Variants in SHISA9 observed in about 807,000 individuals in gnomAD.
SHISA9 encodes shisa family member 9.
SHISA9 carries 13 observed loss-of-function variants against 38.0 expected under a neutral mutation model. That is an observed-to-expected ratio of 0.34 (90% confidence interval 0.22 to 0.54). SHISA9 has a LOEUF of 0.54. Ranked by LOEUF, SHISA9 falls within the 20% of genes least tolerant of loss-of-function variation. The pLI is 0.91. For missense variants in SHISA9, 538 were observed against 575.8 expected (o/e 0.93, Z 0.67); for synonymous variants, 275 against 242.0 (o/e 1.14, Z -1.27).
intron 2 of SHISA9, among the ~76,000 whole-genome samples, chr16:13,041,719 C>T (rs1487082910): frequency 6.6e-6 from 1 of 152,156 alleles, no homozygotes; most frequent in Non-Finnish European, 1.5e-5. Flanking sequence ...GTGCCTGGGC[C>T]AGCAGTTCTC....
intron 2 of SHISA9, among the ~76,000 whole-genome samples, chr16:13,140,138 TCCCTCCCCTC>T (rs1201875970): frequency 0.013 from 135 of 10,328 alleles, 8 homozygotes; most frequent in Non-Finnish European, 0.015. Flanking sequence ...TCCCTTCCCT[TCCCTCCCCTC>T]CCCTCCCCTC....
At chr16:13,003,880 T>TAAGAAGAAG (rs200236620) in intron 2 of SHISA9, among the ~76,000 whole-genome samples, 4 of 146,802 alleles carry the variant, frequency 2.7e-5, no homozygotes, top group Admixed American at 6.8e-5. Context: ...ATAATAATAA[T>TAAGAAGAAG]AATAATAATA....
the SHISA9 span, among the ~76,000 whole-genome samples, chr16:13,388,102 A>C: frequency 6.6e-6 from 1 of 152,096 alleles, no homozygotes; most frequent in East Asian, 1.9e-4. Flanking sequence ...TATATCCTAC[A>C]AGGTAATTCC....
At chr16:13,170,651 T>C (rs2050678075) in intron 2 of SHISA9, among the ~76,000 whole-genome samples, 1 of 146,014 alleles carries the variant, frequency 6.8e-6, no homozygotes, top group Non-Finnish European at 1.6e-5. Flanking sequence ...AATAAAAGTT[T>C]GTTTGTTTGT....
chr16:12,914,603 C>T (rs529732488), intron 1 of SHISA9, among the ~76,000 whole-genome samples: 12 of 152,148 alleles, frequency 7.9e-5, no homozygotes, highest in Middle Eastern at 3.4e-3. Context: ...CTTCTCACAA[C>T]GCAGCTGTTG....
At chr16:12,970,408 T>TATGTATATACATATAC (rs1555504252) in intron 2 of SHISA9, among the ~76,000 whole-genome samples, 1 of 5,002 alleles carries the variant, frequency 2.0e-4, no homozygotes, top group African/African-American at 4.0e-4. Context: ...TATATACATA[T>TATGTATATACATATAC]ATATATATAC....
intron 2 of SHISA9, among the ~76,000 whole-genome samples, chr16:13,197,104 T>TACACACAC (rs58365720): frequency 2.2e-4 from 23 of 106,584 alleles, no homozygotes; most frequent in African/African-American, 6.9e-4. Flanking sequence ...TCTCTGTACA[T>TACACACAC]ACACACACAC....
At chr16:13,089,758 G>A (rs2073753844) in intron 2 of SHISA9, among the ~76,000 whole-genome samples, 1 of 152,054 alleles carries the variant, frequency 6.6e-6, no homozygotes, top group Non-Finnish European at 1.5e-5. Flanking sequence ...ACCAGCTCCT[G>A]GATTCATTGA....
chr16:12,973,301 G>C (rs2072110028), intron 2 of SHISA9, among the ~76,000 whole-genome samples: 1 of 152,290 alleles, frequency 6.6e-6, no homozygotes, highest in South Asian at 2.1e-4. Context: ...AATGATATGG[G>C]ATCAGGAGGG....
chr16:12,991,807 AGAT>A (rs1368264981), intron 2 of SHISA9, among the ~76,000 whole-genome samples: 1 of 152,190 alleles, frequency 6.6e-6, no homozygotes, highest in African/African-American at 2.4e-5. Context: ...GGTACCACCA[AGAT>A]GATAAGTGGA....
At chr16:13,023,458 T>G (rs1427552020) in intron 2 of SHISA9, among the ~76,000 whole-genome samples, 2 of 152,220 alleles carry the variant, frequency 1.3e-5, no homozygotes, top group Non-Finnish European at 2.9e-5. Context: ...TTTGCTATTG[T>G]GAATAGTGCC....
At chr16:13,315,222 G>A in the SHISA9 span, among the ~76,000 whole-genome samples, 1 of 152,204 alleles carries the variant, frequency 6.6e-6, no homozygotes, top group Admixed American at 6.5e-5. Context: ...GGTACACAGT[G>A]ATTTGTAAAG....
At chr16:13,111,228 A>C (rs1452954022) in intron 2 of SHISA9, among the ~76,000 whole-genome samples, 1 of 152,192 alleles carries the variant, frequency 6.6e-6, no homozygotes, top group Non-Finnish European at 1.5e-5. Flanking sequence ...TCTGCACAGC[A>C]AAAGAAACTA....
At chr16:13,241,158 T>C (rs1032358236), downstream of SHISA9, among the ~76,000 whole-genome samples, 5 of 152,282 alleles carry the variant, frequency 3.3e-5, no homozygotes, top group Non-Finnish European at 7.4e-5. Flanking sequence ...CTTTCAGGGA[T>C]GCTAATGTTC....
intron 2 of SHISA9, among the ~76,000 whole-genome samples, chr16:13,139,663 A>G (rs1287013944): frequency 2.0e-5 from 3 of 151,966 alleles, no homozygotes; most frequent in Non-Finnish European, 4.4e-5. Context: ...CTTGGAAACA[A>G]TTCTTCAGAA....
At chr16:12,977,705 A>G (rs531801638) in intron 2 of SHISA9, among the ~76,000 whole-genome samples, 1 of 152,202 alleles carries the variant, frequency 6.6e-6, no homozygotes, top group Admixed American at 6.5e-5. Context: ...TCCTCAGCAA[A>G]CTAATGCAGG....
chr16:13,117,606 A>G (rs2074042998), intron 2 of SHISA9, among the ~76,000 whole-genome samples: 1 of 152,162 alleles, frequency 6.6e-6, no homozygotes, highest in African/African-American at 2.4e-5. Flanking sequence ...AGAAAACTGG[A>G]CGAAATGTGA....
chr16:13,333,445 C>T, the SHISA9 span, among the ~76,000 whole-genome samples: 1 of 152,176 alleles, frequency 6.6e-6, no homozygotes, highest in South Asian at 2.1e-4. Flanking sequence ...ATCCCAGACA[C>T]TGCCCTCCCA....
At chr16:12,988,362 C>T (rs74012220) in intron 2 of SHISA9, among the ~76,000 whole-genome samples, 159 of 152,294 alleles carry the variant, frequency 1.0e-3, no homozygotes, top group African/African-American at 3.7e-3. Context: ...GATTTTTCAT[C>T]TCTGTCTTCA....
Sources: gnomAD v4.1 joint callset for allele counts (sites outside exome capture counted in the v4.1 genomes callset) on GRCh38, gnomAD v4.1.1 for gene constraint, MANE v1.5 for transcripts, NCBI Gene and HGNC (gene_info 2026-07-23, HGNC 2026-07-21) for gene names.